RASGRF2: variants seen among roughly 807,000 people sequenced by gnomAD.
The protein encoded by RASGRF2 is Ras protein specific guanine nucleotide releasing factor 2.
A neutral mutation model predicts 151.0 loss-of-function variants in RASGRF2; 76 were observed. The observed-to-expected ratio is 0.50, with a 90% CI of 0.42 to 0.61. The LOEUF is 0.61. Ranked by LOEUF, RASGRF2 falls within the 20% of genes least tolerant of loss-of-function variation. The probability of loss-of-function intolerance (pLI) is 0.00; values close to 1 mark genes in which losing one functional copy is unlikely to be tolerated. For missense variants in RASGRF2, 1,148 were observed against 1,564.6 expected, an observed-to-expected ratio of 0.73 and a Z score of 4.49; for synonymous variants, 504 against 566.5, an observed-to-expected ratio of 0.89 and a Z score of 1.57.
At chr5:80,961,174 C>G (rs1481808944) in intron 1 of RASGRF2, 148 bp downstream of exon 1, 19 of 902,640 alleles carry the variant, frequency 2.1e-5, no homozygotes, top group Non-Finnish European at 2.7e-5. Context: ...CGGGACATCT[C>G]CACGCTCCTT....
At chr5:81,214,411 T>C (rs1755690144) in intron 23 of RASGRF2, among the ~76,000 whole-genome samples, 2 of 152,202 alleles carry the variant, frequency 1.3e-5, no homozygotes, top group Non-Finnish European at 2.9e-5. Flanking sequence ...TTCAGACACC[T>C]TTGATGACAA....
chr5:81,050,426 A>AT (rs1750973730), intron 2 of RASGRF2, among the ~76,000 whole-genome samples: 1 of 152,136 alleles, frequency 6.6e-6, no homozygotes, highest in Non-Finnish European at 1.5e-5. Context: ...AGAAGAGAAA[A>AT]TATTCATTAT....
chr5:81,015,375 T>C (rs1302506325), intron 1 of RASGRF2, among the ~76,000 whole-genome samples: 4 of 151,774 alleles, frequency 2.6e-5, no homozygotes, highest in African/African-American at 4.8e-5. Context: ...TAATTTAGAA[T>C]CCCAGAACTT....
chr5:81,068,475 A>G (rs1751679956), intron 3 of RASGRF2, among the ~76,000 whole-genome samples: 1 of 151,258 alleles, frequency 6.6e-6, no homozygotes, highest in Admixed American at 6.6e-5. Flanking sequence ...TGATTATAGC[A>G]TTTAACTGTT....
chr5:81,029,855 G>A (rs1029727030), intron 1 of RASGRF2, among the ~76,000 whole-genome samples: 6 of 152,168 alleles, frequency 3.9e-5, no homozygotes, highest in East Asian at 1.9e-4. Context: ...AAACTTCTCC[G>A]AGCTAAAGGA....
At chr5:81,212,344 C>T (rs757490769) in intron 22 of RASGRF2, 22 bp from the exon 23 acceptor site, 42 of 1,565,016 alleles carry the variant, frequency 2.7e-5, no homozygotes, top group Admixed American at 1.3e-4. Flanking sequence ...GACTGCCTTT[C>T]GGGGCTTTTT....
chr5:81,215,729 C>G, intron 23 of RASGRF2, 147 bp from the exon 24 acceptor site: 1 of 1,036,742 alleles, frequency 9.6e-7, no homozygotes, highest in Non-Finnish European at 1.3e-6. Context: ...GTCTCTACAT[C>G]TTAGAATCCT....
intron 1 of RASGRF2, among the ~76,000 whole-genome samples, chr5:80,962,102 C>T (rs1580141091): frequency 6.6e-6 from 1 of 152,246 alleles, no homozygotes; most frequent in African/African-American, 2.4e-5. Context: ...CCTACCTAAC[C>T]CTTTGGGGCT....
intron 1 of RASGRF2, among the ~76,000 whole-genome samples, chr5:80,971,191 A>T (rs1747919497): frequency 6.6e-6 from 1 of 152,180 alleles, no homozygotes; most frequent in African/African-American, 2.4e-5. Context: ...CAAGACATTG[A>T]CACGATCAGC....
At chr5:81,193,295 AATCT>A (rs1755188986) in intron 18 of RASGRF2, among the ~76,000 whole-genome samples, 2 of 152,218 alleles carry the variant, frequency 1.3e-5, no homozygotes, top group African/African-American at 2.4e-5. Flanking sequence ...AGTGCTAGAA[AATCT>A]GATTTATTGC....
chr5:81,087,328 G>A, intron 9 of RASGRF2: 1 of 703,066 alleles, frequency 1.4e-6, no homozygotes, highest in Non-Finnish European at 2.6e-6. Context: ...GTTGCTCAAA[G>A]CCCTTTCACA....
intron 14 of RASGRF2, 129 bp downstream of exon 14, chr5:81,112,987 C>A: frequency 8.4e-7 from 1 of 1,189,170 alleles, no homozygotes; most frequent in Non-Finnish European, 1.2e-6. Flanking sequence ...TCTGAATGTA[C>A]CATGCCCCTC....
At chr5:81,059,225 A>T (rs1751334495) in intron 2 of RASGRF2, among the ~76,000 whole-genome samples, 1 of 151,476 alleles carries the variant, frequency 6.6e-6, no homozygotes, top group Non-Finnish European at 1.5e-5. Flanking sequence ...CTACTAAAAA[A>T]TACAAAAAAT....
chr5:81,040,631 T>C (rs1750649019), intron 1 of RASGRF2, among the ~76,000 whole-genome samples: 1 of 149,952 alleles, frequency 6.7e-6, no homozygotes, highest in African/African-American at 2.4e-5. Flanking sequence ...GCCAAGACCA[T>C]GGGGGCCAAG....
At chr5:81,195,492 A>C (rs1755243175) in intron 18 of RASGRF2, among the ~76,000 whole-genome samples, 1 of 152,042 alleles carries the variant, frequency 6.6e-6, no homozygotes, top group African/African-American at 2.4e-5. Context: ...TTTTACATGC[A>C]TTTGTAAAAA....
intron 1 of RASGRF2, among the ~76,000 whole-genome samples, chr5:80,994,249 C>G (rs1321684335): frequency 6.6e-6 from 1 of 151,626 alleles, no homozygotes; most frequent in Non-Finnish European, 1.5e-5. Flanking sequence ...GCCTGTAGTC[C>G]CAGCTACTCA....
intron 17 of RASGRF2, among the ~76,000 whole-genome samples, chr5:81,142,192 G>A (rs1286203120): frequency 1.3e-5 from 2 of 152,124 alleles, no homozygotes; most frequent in African/African-American, 4.8e-5. Context: ...CCAATGGAGT[G>A]TAGATGGGGT....
At chr5:81,152,949 T>C (rs1754170957) in intron 17 of RASGRF2, among the ~76,000 whole-genome samples, 1 of 152,180 alleles carries the variant, frequency 6.6e-6, no homozygotes, top group Non-Finnish European at 1.5e-5. Context: ...TGTTGAGTGT[T>C]GTTGGAAACA....
chr5:81,111,694 T>C (rs919939565), intron 13 of RASGRF2, among the ~76,000 whole-genome samples: 3 of 151,664 alleles, frequency 2.0e-5, no homozygotes, highest in African/African-American at 7.3e-5. Flanking sequence ...TAGGAAAGTG[T>C]AGGAAGGAAA....
Sources: gnomAD v4.1 joint callset for allele counts (sites outside exome capture counted in the v4.1 genomes callset) on GRCh38, gnomAD v4.1.1 for gene constraint, MANE v1.5 for transcripts, NCBI Gene and HGNC (gene_info 2026-07-23, HGNC 2026-07-21) for gene names.